Variants in TTC4 observed in about 807,000 individuals in gnomAD.
TTC4 encodes hsp70/Hsp90 co-chaperone CNS1 homolog.
Under a neutral mutation model 51.9 loss-of-function variants are expected in TTC4, and 36 were observed. The observed-to-expected ratio is 0.69, with a 90% CI of 0.53 to 0.92. The LOEUF (loss-of-function observed/expected upper bound fraction) is 0.92. Among genes scored for constraint, TTC4 ranks in the 40% least tolerant of loss-of-function variants. The pLI is 0.00. For missense variants in TTC4, 399 were observed against 454.6 expected (o/e 0.88, Z 1.11); for synonymous variants, 144 against 164.2 (o/e 0.88, Z 0.94).
intron 5 of TTC4, among the ~76,000 whole-genome samples, chr1:54,724,268 C>T (rs114770215): frequency 6.9e-6 from 1 of 145,242 alleles, no homozygotes; most frequent in African/African-American, 2.5e-5. Flanking sequence ...AGCTTTTTTT[C>T]TTTTTTTTTT....
At position 54,741,591 on chromosome 1, in the gene TTC4, T is replaced by A; in HGVS notation, c.*78T>A. 1 of 1,185,396 alleles carries A rather than the reference T, an allele frequency of 8.4e-7. No homozygotes were observed. Among genetic ancestry groups the A allele is most frequent in the Non-Finnish European group, 1.3e-6 (1 of 794,594 alleles). The allele number at this position is 1,185,396 out of a possible 1,614,324, so 73.4% of individuals were successfully genotyped here. A position where few individuals can be genotyped will look rare whatever the true frequency, so the allele number is the denominator to read the frequency against. On this transcript the variant is annotated 3_prime_UTR_variant, in exon 10 of 10. Coordinates refer to ENST00000371281, the MANE Select transcript of TTC4 (RefSeq NM_004623.5). ...GCACACCTGAATCAGCTGGACATAC[T>A]GCTGGAGTCCAGTGCTTTCTTTCCG...
In TTC4 at chr1:54,733,562, TG is replaced by T. The variant is rs1645895699; in HGVS notation, c.897-63del. ...TTCTAGATAACTTTGAATTAGTGTC[TG>T]GGGACCGATGTGGGAAAATAGATCA... On this transcript the variant is annotated intron_variant, in intron 7 of 9. Coordinates refer to ENST00000371281, the MANE Select transcript of TTC4 (RefSeq NM_004623.5). The T allele has an allele frequency of 3.1e-6, 4 of 1,310,128 alleles. No individual in the cohort carries two copies. The South Asian group carries it at 4.1e-5, about 13-fold the overall frequency. The allele number at this position is 1,310,128 out of a possible 1,614,324, so 81.2% of individuals were successfully genotyped here. A position where few individuals can be genotyped will look rare whatever the true frequency, so the allele number is the denominator to read the frequency against.
intron 5 of TTC4, among the ~76,000 whole-genome samples, chr1:54,726,661 A>G (rs943185032): frequency 2.6e-5 from 4 of 152,220 alleles, no homozygotes; most frequent in East Asian, 1.9e-4. Flanking sequence ...TACAAAAAAC[A>G]TTGTTGAAAG....
At chr1:54,721,466 A>G (rs1645742594) in intron 4 of TTC4, among the ~76,000 whole-genome samples, 1 of 152,208 alleles carries the variant, frequency 6.6e-6, no homozygotes, top group Non-Finnish European at 1.5e-5. Flanking sequence ...AAAAAATAAA[A>G]TTAATTAAAA....
chr1:54,737,158 T>G (rs1645956229), intron 8 of TTC4: 1 of 160,040 alleles, frequency 6.2e-6, no homozygotes, highest in African/African-American at 2.4e-5. Flanking sequence ...TTCCTCACCC[T>G]GCTTGGGCTT....
chr1:54,716,160 C>T (rs1050817164), intron 1 of TTC4, 141 bp downstream of exon 1: 2 of 719,284 alleles, frequency 2.8e-6, no homozygotes, highest in African/African-American at 1.8e-5. Flanking sequence ...TATTGAAAAT[C>T]GGCCTCGAGG....
At chr1:54,739,355 C>A (rs1415309686) in intron 9 of TTC4, among the ~76,000 whole-genome samples, 1 of 152,148 alleles carries the variant, frequency 6.6e-6, no homozygotes, top group South Asian at 2.1e-4. Flanking sequence ...TGAAGTCAGA[C>A]CCATCATCAT....
chr1:54,716,812 GC>G, intron 2 of TTC4, 95 bp downstream of exon 2: 12 of 981,752 alleles, frequency 1.2e-5, no homozygotes, highest in Non-Finnish European at 1.8e-5. Context: ...GAAGTAGTTA[GC>G]CTGAGCTAAC....
intron 8 of TTC4, among the ~76,000 whole-genome samples, chr1:54,736,093 A>T (rs188125188): frequency 6.6e-6 from 1 of 151,142 alleles, no homozygotes; most frequent in Non-Finnish European, 1.5e-5. Flanking sequence ...GATTAATACA[A>T]TGGGGGTAGA....
chr1:54,718,788 A>T (rs57400910), intron 3 of TTC4, among the ~76,000 whole-genome samples: 3,723 of 151,330 alleles, frequency 0.025, 139 homozygotes, highest in East Asian at 0.14. Flanking sequence ...GTTTTTTTTA[A>T]AAATAATTTA....
chr1:54,737,844 G>A (rs1184854405), intron 9 of TTC4, among the ~76,000 whole-genome samples, 180 bp downstream of exon 9: 1 of 152,218 alleles, frequency 6.6e-6, no homozygotes, highest in Non-Finnish European at 1.5e-5. Flanking sequence ...AGGCAAGGAG[G>A]AGCAAGTCAC....
chr1:54,741,633 C>A lies in TTC4; in HGVS notation c.*120C>A. On this transcript the variant is annotated 3_prime_UTR_variant, in exon 10 of 10. Coordinates refer to ENST00000371281, the MANE Select transcript of TTC4 (RefSeq NM_004623.5). The stretch of plus-strand genomic sequence containing the variant: ...TTCTTTCCGTCACCCTGGGGATAGT[C>A]CTTCCTGGCATCGTGGTGGGGGAGG... 2.4e-6 allele frequency: 2 copies of A among 836,876 alleles called. No individual in the cohort carries two copies. Among genetic ancestry groups the A allele is most frequent in the South Asian group, 1.5e-5 (1 of 65,248 alleles). 51.8% of individuals were successfully genotyped at this position (836,876 alleles called of 1,614,324 possible). A position where few individuals can be genotyped will look rare whatever the true frequency, so the allele number is the denominator to read the frequency against.
In TTC4 at chr1:54,741,890, C is replaced by G; in HGVS notation, c.*377C>G. The G allele has an allele frequency of 1.8e-5, 4 of 228,096 alleles. No homozygotes were observed. The highest frequency in any genetic ancestry group is 8.7e-5 in the South Asian group (1 of 11,506). The allele number at this position is 228,096 out of a possible 1,614,324, so 14.1% of individuals were successfully genotyped here. A position where few individuals can be genotyped will look rare whatever the true frequency, so the allele number is the denominator to read the frequency against. ...GAGTTTGACACCTTAGAGAAGCTAC[C>G]CCTCAAACTGCACATCTACACACAA... is the stretch of plus-strand genomic sequence containing the variant. On this transcript the variant is annotated 3_prime_UTR_variant, in exon 10 of 10. Coordinates refer to ENST00000371281, the MANE Select transcript of TTC4 (RefSeq NM_004623.5).
Position 54,722,777 on chromosome 1 carries a change from G to C in TTC4, c.572G>C (p.Arg191Thr), listed in dbSNP as rs921005206. The C allele has an allele frequency of 1.9e-6, 3 of 1,613,854 alleles. No individual in the cohort carries two copies. Among genetic ancestry groups the C allele is most frequent in the Non-Finnish European group, 2.5e-6 (3 of 1,179,884 alleles). The change falls in exon 5 of 10, where the codon AGG (arginine) becomes ACG (threonine). Residue 191 changes from arginine to threonine, a missense_variant. Arg to Thr is a moderately conservative substitution (Grantham distance 71, BLOSUM62 -1). Around this residue, in one of 3 missense-constraint regions of TTC4, gnomAD observed 316 missense variants for 349.6 expected, o/e 0.90. Coordinates refer to ENST00000371281, the MANE Select transcript of TTC4 (RefSeq NM_004623.5). ...AAAGAGAAGAAGCTTCTGGAAATGA[G>C]GGCTAAAGCAGACAAGCTGAAGGTT... ...DAKEKKLLEMRAKADKLKRIE... is the reference protein window; with the variant it reads ...DAKEKKLLEMTAKADKLKRIE...
chr1:54,717,216 C>T (rs954399537), intron 2 of TTC4, among the ~76,000 whole-genome samples: 2 of 152,178 alleles, frequency 1.3e-5, no homozygotes, highest in Non-Finnish European at 1.5e-5. Context: ...AAATTCTTTT[C>T]TTCAACAGCT....
rs1202649316 is a variant in TTC4 at position 54,731,556 on chromosome 1, T to G, written c.752T>G (p.Leu251Arg). The change falls in exon 7 of 10, where the codon CTT becomes CGT. Residue 251 changes from leucine to arginine, a missense_variant. This residue lies in a region of TTC4 where 316 missense variants were observed against 349.6 expected (regional missense o/e 0.90). Transcript: ENST00000371281. ...TCAGCCTCAGAAGGTCTAGGTGAGCTTTTCCTGGATGGACTCAGCACTGAG... is the reference window on the plus strand; with the variant it reads ...TCAGCCTCAGAAGGTCTAGGTGAGCGTTTCCTGGATGGACTCAGCACTGAG... ...EDSASEGLGE[L>R]FLDGLSTENP... 6.2e-7 allele frequency: 1 copy of G among 1,613,914 alleles called. No homozygotes were observed.
Position 54,717,597 on chromosome 1 carries a change from A to G in TTC4, c.335A>G (p.Asp112Gly), listed in dbSNP as rs772892983. 4 of 1,612,188 alleles carry G rather than the reference A, an allele frequency of 2.5e-6. No individual in the cohort carries two copies. The highest frequency in any genetic ancestry group is 4.5e-5 in the East Asian group (2 of 44,846). ...GAAGGCTTAAAGAAGAAATGTGCAG[A>G]TCCTGATTTGAATGCTGTCCTTTAT... ...YTEGLKKKCA[D>G]PDLNAVLYTN... is the part of the protein sequence containing the mutation. Residue 112 changes from aspartate to glycine, a missense_variant, in exon 3 of 10, where the codon GAT becomes GGT. Coordinates refer to ENST00000371281, the MANE Select transcript of TTC4 (RefSeq NM_004623.5).
intron 5 of TTC4, among the ~76,000 whole-genome samples, chr1:54,727,663 G>A (rs1645816119): frequency 7.7e-6 from 1 of 129,304 alleles, no homozygotes; most frequent in Non-Finnish European, 1.6e-5. Context: ...ACCAACCTGG[G>A]CAACAAAGTG....
In TTC4 at chr1:54,717,583, G is replaced by A; in HGVS notation, c.321G>A (p.Lys107=). 6.2e-7 allele frequency: 1 copy of A among 1,612,264 alleles called. No homozygotes were observed. The highest frequency in any genetic ancestry group is 1.1e-5 in the South Asian group (1 of 90,484). The part of the protein sequence containing the change: ...KAVISYTEGL[K]KKCADPDLNA... ...TAATTTCATACACTGAAGGCTTAAAGAAGAAATGTGCAGATCCTGATTTGA... is the reference window on the plus strand; with the variant it reads ...TAATTTCATACACTGAAGGCTTAAAAAAGAAATGTGCAGATCCTGATTTGA... The change falls in exon 3 of 10, where the codon AAG becomes AAA. Residue 107 remains lysine (K), a synonymous_variant. Coordinates refer to ENST00000371281, the MANE Select transcript of TTC4 (RefSeq NM_004623.5).
Sources: allele counts gnomAD v4.1 joint callset (sites outside exome capture counted in the v4.1 genomes callset), GRCh38; gene constraint gnomAD v4.1.1; regional missense constraint gnomAD v4.1.1; transcripts MANE v1.5; gene names NCBI Gene and HGNC (gene_info 2026-07-23, HGNC 2026-07-21).